Variants in RNF41 observed in about 807,000 individuals in gnomAD.
RNF41 encodes the protein ring finger protein 41.
Under a neutral mutation model 33.0 loss-of-function variants are expected in RNF41, and 4 were observed. The ratio of observed to expected loss-of-function variants is 0.12; its 90% CI spans 0.06 to 0.28. RNF41 has a LOEUF of 0.28. RNF41 is among the 10% of genes least tolerant of loss of function. RNF41 has a pLI of 1.00. For synonymous variants in RNF41, 164 were observed against 153.2 expected (o/e 1.07, Z -0.52); for missense variants, 228 against 432.6 (o/e 0.53, Z 4.19).
chr12:56,212,582 C>T (rs533806320), intron 3 of RNF41, among the ~76,000 whole-genome samples: 13 of 152,136 alleles, frequency 8.5e-5, no homozygotes, highest in African/African-American at 2.6e-4. Flanking sequence ...GAACCTGACA[C>T]ACCCTGTGAC....
At chr12:56,221,276 G>A (rs963194027) in intron 1 of RNF41, among the ~76,000 whole-genome samples, 5 of 152,134 alleles carry the variant, frequency 3.3e-5, no homozygotes, top group African/African-American at 1.2e-4. Context: ...TTCATGGAGG[G>A]CTGGGAGGGG....
chr12:56,218,964 A>G (rs1175020177), intron 1 of RNF41, among the ~76,000 whole-genome samples: 1 of 149,498 alleles, frequency 6.7e-6, no homozygotes, highest in Non-Finnish European at 1.5e-5. Context: ...GGCCTCCCAA[A>G]GTGCTGGGAT....
At chr12:56,218,770 CT>C (rs925826276) in intron 1 of RNF41, among the ~76,000 whole-genome samples, 26 of 151,410 alleles carry the variant, frequency 1.7e-4, no homozygotes, top group Non-Finnish European at 3.4e-4. Flanking sequence ...GTGGCACGAT[CT>C]TGGCTCACTG....
chr12:56,215,997 C>A, intron 2 of RNF41, among the ~76,000 whole-genome samples: 1 of 151,970 alleles, frequency 6.6e-6, no homozygotes, highest in East Asian at 1.9e-4. Flanking sequence ...TGGTGGGCAC[C>A]TGTAATCCTA....
In RNF41 at chr12:56,208,887, C is replaced by A. The variant is rs1033799217; in HGVS notation, c.363-589G>T. 8.1e-4 allele frequency among the ~76,000 whole-genome samples: 95 copies of A among 116,876 alleles called. 1 individual carries two copies. Among genetic ancestry groups the A allele is most frequent in the Non-Finnish European group, 8.4e-4 (47 of 56,008 alleles). The allele number at this position is 116,876 out of a possible 152,430, so 76.7% of individuals were successfully genotyped here. ...GGCCTTTTTTTTTTTTTTTCGAGAC[C>A]AAGTTTCACTCTTGTCACCCAGGCT... is the stretch of plus-strand genomic sequence containing the variant. On this transcript the variant is annotated intron_variant, in intron 4 of 6. Transcript: ENST00000345093.
chr12:56,206,371 T>C lies in RNF41; in HGVS notation c.*76A>G. On this transcript the variant is annotated 3_prime_UTR_variant, in exon 7 of 7. Transcript: ENST00000345093. This position sits in a 1 kb window ranked among gnomAD's most constrained non-coding sequence, Gnocchi z 5.7. ...AAGCCACAGTATTAAGAATGGTGGG[T>C]AGGACTCAGGTCCCAGCTGCTGGAG... 1 of 1,243,506 alleles carries C rather than the reference T, an allele frequency of 8.0e-7. No homozygotes were observed. The highest frequency in any genetic ancestry group is 1.1e-6 in the Non-Finnish European group (1 of 875,052). The allele number at this position is 1,243,506 out of a possible 1,614,324, so 77.0% of individuals were successfully genotyped here.
chr12:56,213,878 G>A, intron 3 of RNF41, 80 bp downstream of exon 3: 4 of 905,836 alleles, frequency 4.4e-6, no homozygotes, highest in Non-Finnish European at 7.5e-6. Context: ...CTTCACCATG[G>A]GTCCCGCTGC....
chr12:56,216,838 G>T (rs1868922896), intron 1 of RNF41, among the ~76,000 whole-genome samples: 1 of 152,080 alleles, frequency 6.6e-6, no homozygotes, highest in African/African-American at 2.4e-5. Flanking sequence ...AGCTGGGAGG[G>T]GGAAAGAAAA....
intron 2 of RNF41, among the ~76,000 whole-genome samples, chr12:56,214,543 C>G (rs566934919): frequency 3.1e-4 from 43 of 136,700 alleles, no homozygotes; most frequent in African/African-American, 1.2e-3. Context: ...AAAATTAATT[C>G]TAAGGCCTGG....
rs1878756193 is a variant in RNF41, at chr12:56,204,603, G to A, written c.*1844C>T. 1 of 152,672 alleles carries A rather than the reference G, an allele frequency of 6.5e-6. No homozygotes were observed. Among genetic ancestry groups the A allele is most frequent in the Non-Finnish European group, 1.5e-5 (1 of 68,108 alleles). 9.5% of individuals were successfully genotyped at this position (152,672 alleles called of 1,614,324 possible). ...TGCAGAGACACTAGTGCAAAGGGTA[G>A]GGAAGCCTTTCACTGAGCTTCCTGG... is the stretch of plus-strand genomic sequence containing the variant. On this transcript the variant is annotated 3_prime_UTR_variant, in exon 7 of 7. Transcript: ENST00000345093.
chr12:56,208,626 A>T (rs1868324921), intron 4 of RNF41: 1 of 169,738 alleles, frequency 5.9e-6, no homozygotes, highest in Admixed American at 5.9e-5. Flanking sequence ...GTGCGATGGC[A>T]TGATCTCAGC....
chr12:56,211,897 G>A (rs1263463452), intron 3 of RNF41, among the ~76,000 whole-genome samples: 1 of 152,012 alleles, frequency 6.6e-6, no homozygotes, highest in Non-Finnish European at 1.5e-5. Flanking sequence ...GCGTGAACCT[G>A]GGAGGCAGAG....
At chr12:56,215,144 T>G (rs1326165158) in intron 2 of RNF41, among the ~76,000 whole-genome samples, 1 of 151,996 alleles carries the variant, frequency 6.6e-6, no homozygotes, top group East Asian at 1.9e-4. Context: ...GAATTTCAAG[T>G]GATTCAAGAA....
At chr12:56,216,264 T>C (rs1868886015) in intron 2 of RNF41, among the ~76,000 whole-genome samples, 165 bp downstream of exon 2, 1 of 152,190 alleles carries the variant, frequency 6.6e-6, no homozygotes, top group Non-Finnish European at 1.5e-5. Context: ...CAATAATTTA[T>C]GTAAGTTGTA....
intron 1 of RNF41, among the ~76,000 whole-genome samples, chr12:56,219,675 G>A (rs1185556406): frequency 4.6e-4 from 6 of 13,156 alleles, no homozygotes; most frequent in Non-Finnish European, 2.9e-3. Flanking sequence ...GTATATACAC[G>A]CGCGCACCCC....
chr12:56,212,915 A>C, intron 3 of RNF41: 1 of 1,000,260 alleles, frequency 1.0e-6, no homozygotes, highest in Non-Finnish European at 1.4e-6. Flanking sequence ...TGGTATTTAC[A>C]GAATGAGGGC....
chr12:56,207,138 T>C, intron 6 of RNF41: 1 of 1,312,144 alleles, frequency 7.6e-7, no homozygotes, highest in Non-Finnish European at 9.9e-7. Context: ...CTCAGCACTA[T>C]TTGCCCTGTA....
At chr12:56,207,239 G>T in intron 6 of RNF41, 1 of 1,327,472 alleles carries the variant, frequency 7.5e-7, no homozygotes, top group South Asian at 1.2e-5. Context: ...TACTTCGCTT[G>T]TTTTTGCTGC....
At chr12:56,216,922 C>G (rs1483957864) in intron 1 of RNF41, among the ~76,000 whole-genome samples, 1 of 150,906 alleles carries the variant, frequency 6.6e-6, no homozygotes, top group Non-Finnish European at 1.5e-5. Context: ...GGGTGGATCA[C>G]GAGGTCAGGA....
Sources: gnomAD v4.1 joint callset for allele counts (sites outside exome capture counted in the v4.1 genomes callset) on GRCh38, gnomAD v4.1.1 for gene constraint, Gnocchi (gnomAD v3.1) non-coding constraint, MANE v1.5 for transcripts, NCBI Gene and HGNC (gene_info 2026-07-23, HGNC 2026-07-21) for gene names.